GRM1: variants seen among roughly 807,000 people sequenced by gnomAD.
GRM1 encodes the protein metabotropic glutamate receptor 1.
GRM1 carries 33 observed loss-of-function variants against 90.9 expected under a neutral mutation model. The observed-to-expected ratio is 0.36, with a 90% CI of 0.28 to 0.49. The LOEUF (loss-of-function observed/expected upper bound fraction) is 0.49. GRM1 is among the 20% of genes least tolerant of loss of function. GRM1 has a pLI of 0.99. For missense variants in GRM1, 1,190 were observed against 1,534.3 expected (o/e 0.78, Z 3.75); for synonymous variants, 700 against 613.2 (o/e 1.14, Z -2.09).
At chr6:146,236,313 T>C (rs1038251199) in intron 2 of GRM1, among the ~76,000 whole-genome samples, 2 of 152,160 alleles carry the variant, frequency 1.3e-5, no homozygotes, top group Non-Finnish European at 2.9e-5. Flanking sequence ...ACCACAAAAT[T>C]TGAGTATTTT....
In GRM1 at chr6:146,434,834, A is replaced by G. The variant is rs1778545374; in HGVS notation, c.*38A>G. On this transcript the variant is annotated 3_prime_UTR_variant, in exon 8 of 8. Coordinates refer to ENST00000282753, the MANE Select transcript of GRM1 (RefSeq NM_001278064.2). ...CACATAGAAAAGCAAGACAAGCCAGAGATCTCCCACACCTCCAGAGATGTG... is the reference window on the plus strand; with the variant it reads ...CACATAGAAAAGCAAGACAAGCCAGGGATCTCCCACACCTCCAGAGATGTG... 3 of 1,531,108 alleles carry G rather than the reference A, an allele frequency of 2.0e-6. No homozygotes were observed. The highest frequency in any genetic ancestry group is 2.7e-6 in the Non-Finnish European group (3 of 1,118,610). 94.8% of individuals were successfully genotyped at this position (1,531,108 alleles called of 1,614,324 possible).
At chr6:146,048,857 G>T (rs909779397) in intron 1 of GRM1, among the ~76,000 whole-genome samples, 7 of 151,952 alleles carry the variant, frequency 4.6e-5, no homozygotes, top group African/African-American at 1.7e-4. Flanking sequence ...CCTCACATTT[G>T]TCAGAAAGAA....
chr6:146,061,800 A>G (rs1775680493), intron 1 of GRM1, among the ~76,000 whole-genome samples: 1 of 152,118 alleles, frequency 6.6e-6, no homozygotes, highest in Non-Finnish European at 1.5e-5. Flanking sequence ...ATGAGATACC[A>G]TCTCATGCCA....
chr6:146,406,031 A>C (rs1777335943), intron 7 of GRM1, among the ~76,000 whole-genome samples: 1 of 152,198 alleles, frequency 6.6e-6, no homozygotes, highest in Admixed American at 6.5e-5. Context: ...GGAAATTCCG[A>C]CAGTATTTAA....
chr6:146,068,808 A>G (rs1775937180), intron 1 of GRM1, among the ~76,000 whole-genome samples: 1 of 152,226 alleles, frequency 6.6e-6, no homozygotes, highest in Non-Finnish European at 1.5e-5. Context: ...ACTTATCTGA[A>G]CAAAATAAAA....
intron 2 of GRM1, among the ~76,000 whole-genome samples, chr6:146,267,686 GGCTCGGCTCGGCTC>G (rs1562568709): frequency 5.0e-4 from 52 of 104,448 alleles, no homozygotes; most frequent in South Asian, 4.8e-3. Flanking sequence ...GGCTGGGCTC[GGCTCGGCTCGGCTC>G]GGCTCGTCTC....
chr6:146,265,287 G>A (rs1488008694), intron 2 of GRM1, among the ~76,000 whole-genome samples: 1 of 152,120 alleles, frequency 6.6e-6, no homozygotes, highest in Non-Finnish European at 1.5e-5. Context: ...GATTAGTAAT[G>A]TTGAGCATTT....
intron 3 of GRM1, among the ~76,000 whole-genome samples, chr6:146,343,255 T>C (rs185512680): frequency 2.7e-4 from 41 of 152,324 alleles, no homozygotes; most frequent in Non-Finnish European, 1.5e-4. Flanking sequence ...GTGATGATGT[T>C]AACATTGATC....
At chr6:146,155,337 T>G (rs1164350390) in intron 1 of GRM1, among the ~76,000 whole-genome samples, 1 of 152,200 alleles carries the variant, frequency 6.6e-6, no homozygotes. Context: ...TTGCCTACAG[T>G]ATTCAGTACA....
intron 1 of GRM1, among the ~76,000 whole-genome samples, chr6:146,047,251 A>G (rs1181340952): frequency 1.3e-5 from 2 of 151,808 alleles, no homozygotes; most frequent in African/African-American, 4.8e-5. Context: ...ATAAATAGGG[A>G]TTTATTTTTA....
chr6:146,347,701 C>G (rs913478864), intron 3 of GRM1, among the ~76,000 whole-genome samples: 4 of 152,156 alleles, frequency 2.6e-5, no homozygotes, highest in Admixed American at 6.5e-5. Flanking sequence ...ATGCTCCATA[C>G]CATGACCTGG....
At position 146,294,412 on chromosome 6, in the gene GRM1, T is replaced by A. The variant is rs565436916; in HGVS notation, c.951-10199T>A. 5.9e-5 allele frequency among the ~76,000 whole-genome samples: 9 copies of A among 152,208 alleles called. 1 individual carries two copies. The South Asian group carries it at 1.9e-3, about 31-fold the overall frequency. Reference sequence around the variant, plus strand: ...TGTTGGTTTTTTTAAAAAAAGATTCTAATTTAATTTATGATGCTCAGAGAT... The same window carrying A: ...TGTTGGTTTTTTTAAAAAAAGATTCAAATTTAATTTATGATGCTCAGAGAT... On this transcript the variant is annotated intron_variant, in intron 2 of 7. Transcript: ENST00000282753.
intron 2 of GRM1, among the ~76,000 whole-genome samples, chr6:146,219,481 A>C (rs965784352): frequency 6.6e-6 from 1 of 152,116 alleles, no homozygotes; most frequent in African/African-American, 2.4e-5. Flanking sequence ...GGCGGTTTTG[A>C]AAGTGTAGGA....
At chr6:146,102,116 C>G (rs1777071669) in intron 1 of GRM1, among the ~76,000 whole-genome samples, 2 of 152,108 alleles carry the variant, frequency 1.3e-5, no homozygotes, top group African/African-American at 2.4e-5. Context: ...TCTTGTTCTC[C>G]TCTAGTCCAT....
At chr6:146,418,051 A>C (rs981105999) in intron 7 of GRM1, among the ~76,000 whole-genome samples, 1 of 152,158 alleles carries the variant, frequency 6.6e-6, no homozygotes, top group Non-Finnish European at 1.5e-5. Context: ...CAGTTAAATA[A>C]TGTATTTACA....
intron 5 of GRM1, among the ~76,000 whole-genome samples, chr6:146,365,912 TC>T (rs938708519): frequency 7.2e-5 from 11 of 152,284 alleles, no homozygotes; most frequent in African/African-American, 2.4e-4. Context: ...GACTTGCACG[TC>T]CCTGAGGGAG....
chr6:146,171,160 T>G (rs1175223927), intron 2 of GRM1, among the ~76,000 whole-genome samples: 1 of 152,218 alleles, frequency 6.6e-6, no homozygotes, highest in African/African-American at 2.4e-5. Flanking sequence ...TTAAGAGTAC[T>G]CTCCTGTGTA....
At chr6:146,420,397 G>A (rs7769505) in intron 7 of GRM1, among the ~76,000 whole-genome samples, 6,222 of 152,316 alleles carry the variant, frequency 0.041, 416 homozygotes, top group African/African-American at 0.14. Context: ...TGCACAGCCA[G>A]GCTTTCTGTT....
At chr6:146,290,052 T>A (rs945985952) in intron 2 of GRM1, among the ~76,000 whole-genome samples, 1 of 152,186 alleles carries the variant, frequency 6.6e-6, no homozygotes, top group Non-Finnish European at 1.5e-5. Context: ...CCTGTCCAGA[T>A]TACAAATATG....
Sources: allele counts gnomAD v4.1 joint callset (sites outside exome capture counted in the v4.1 genomes callset), GRCh38; gene constraint gnomAD v4.1.1; transcripts MANE v1.5; gene names NCBI Gene and HGNC (gene_info 2026-07-23, HGNC 2026-07-21).